ZSWIM7: variants seen among roughly 807,000 people sequenced by gnomAD.
ZSWIM7 encodes the protein zinc finger SWIM domain-containing protein 7.
Under a neutral mutation model 21.1 loss-of-function variants are expected in ZSWIM7, and 22 were observed. The ratio of observed to expected loss-of-function variants is 1.04; its 90% CI spans 0.74 to 1.49. The LOEUF (loss-of-function observed/expected upper bound fraction) is 1.49, where lower values mean the gene tolerates loss of function less well. Ranked by LOEUF, ZSWIM7 falls within the 40% of genes most tolerant of loss-of-function variation. The pLI is 0.00. For synonymous variants in ZSWIM7, 67 were observed against 66.5 expected, an observed-to-expected ratio of 1.01 and a Z score of -0.04; for missense variants, 193 against 168.0, an observed-to-expected ratio of 1.15 and a Z score of -0.82.
intron 4 of ZSWIM7, among the ~76,000 whole-genome samples, chr17:15,979,613 G>T (rs1244713627): frequency 6.9e-6 from 1 of 144,468 alleles, no homozygotes; most frequent in African/African-American, 2.6e-5. Context: ...TGGCCAGGCG[G>T]GGGGCTGACC....
chr17:15,982,644 C>G (rs896966062), intron 3 of ZSWIM7, among the ~76,000 whole-genome samples: 11 of 151,996 alleles, frequency 7.2e-5, no homozygotes, highest in Non-Finnish European at 1.0e-4. Context: ...CTTTTATTAA[C>G]ATTTTTTTTT....
chr17:15,997,511 A>G (rs1427021377), intron 1 of ZSWIM7, among the ~76,000 whole-genome samples: 1 of 152,242 alleles, frequency 6.6e-6, no homozygotes, highest in African/African-American at 2.4e-5. Flanking sequence ...CAAAGAAAAC[A>G]AAAAGTAATC....
chr17:15,995,453 G>C (rs1970539269), intron 1 of ZSWIM7, among the ~76,000 whole-genome samples: 1 of 151,620 alleles, frequency 6.6e-6, no homozygotes, highest in South Asian at 2.1e-4. Flanking sequence ...GTAGAGACGG[G>C]GTTTCTCCAT....
At chr17:15,986,768 TAAC>T (rs1231404803) in intron 3 of ZSWIM7, 1 of 152,156 alleles carries the variant, frequency 6.6e-6, no homozygotes, top group African/African-American at 2.4e-5. Flanking sequence ...ATATATTTAA[TAAC>T]AAAGTATTGG....
intron 3 of ZSWIM7, among the ~76,000 whole-genome samples, chr17:15,982,338 T>C (rs1970365545): frequency 6.6e-6 from 1 of 152,186 alleles, no homozygotes; most frequent in African/African-American, 2.4e-5. Flanking sequence ...ATTATTAGTA[T>C]CTGAGGGAAG....
In ZSWIM7 at chr17:15,977,708, GA is replaced by G. The variant is rs56818222; in HGVS notation, c.*338del. ...GACAAAGTGAGACTCCATCTCAAAA[GA>G]AAAAAAAAAAGACTAAATAATGTGG... On this transcript the variant is annotated 3_prime_UTR_variant, in exon 5 of 5. Transcript: ENST00000399277. 264 of 153,502 alleles carry G rather than the reference GA, an allele frequency of 1.7e-3. No individual in the cohort carries two copies. Among genetic ancestry groups the G allele is most frequent in the East Asian group, 6.8e-3 (37 of 5,462 alleles). The allele number at this position is 153,502 out of a possible 1,614,324, so 9.5% of individuals were successfully genotyped here.
In ZSWIM7 at chr17:15,982,277, T is replaced by C. The variant is rs1970364767; in HGVS notation, c.202-1133A>G. 2.0e-5 allele frequency among the ~76,000 whole-genome samples: 3 copies of C among 152,142 alleles called. No individual in the cohort carries two copies. In the South Asian group the frequency reaches 6.2e-4, roughly 32 times the overall value. Reference sequence around the variant, plus strand: ...TACCACCAAGCAGCCAAAAACTTTTTGTTGAGGTCTTCATTCCTAGAGTTA... The same window carrying C: ...TACCACCAAGCAGCCAAAAACTTTTCGTTGAGGTCTTCATTCCTAGAGTTA... On this transcript the variant is annotated intron_variant, in intron 3 of 4. Coordinates refer to ENST00000399277, the MANE Select transcript of ZSWIM7 (RefSeq NM_001042697.2).
At chr17:15,987,143 TGG>T in intron 3 of ZSWIM7, 121 bp downstream of exon 3, 1 of 687,974 alleles carries the variant, frequency 1.5e-6, no homozygotes. Context: ...TTTACCAAGT[TGG>T]GGCAAAAGCC....
At chr17:15,996,303 C>CA (rs202105116) in intron 1 of ZSWIM7, among the ~76,000 whole-genome samples, 2,723 of 150,784 alleles carry the variant, frequency 0.018, 40 homozygotes, top group South Asian at 0.035. Flanking sequence ...AACTCCGTCT[C>CA]AAAAAAAACC....
At chr17:15,980,746 A>C (rs892407699) in intron 4 of ZSWIM7, among the ~76,000 whole-genome samples, 13 of 152,138 alleles carry the variant, frequency 8.5e-5, no homozygotes, top group Non-Finnish European at 1.9e-4. Flanking sequence ...TCATATTTTT[A>C]TGGGGCCATC....
intron 4 of ZSWIM7, among the ~76,000 whole-genome samples, chr17:15,979,743 T>A (rs374347831): frequency 3.3e-5 from 3 of 90,318 alleles, no homozygotes; most frequent in South Asian, 4.2e-4. Flanking sequence ...TAGGGGCGGC[T>A]GGGCAGAGGC....
intron 4 of ZSWIM7, among the ~76,000 whole-genome samples, chr17:15,979,217 CT>C (rs572043639): frequency 1.5e-3 from 228 of 151,998 alleles, no homozygotes; most frequent in Non-Finnish European, 2.5e-3. Context: ...CTTCAAGCAT[CT>C]GTTTATCAAA....
Position 15,999,573 on chromosome 17 carries a change from C to A in ZSWIM7, c.22G>T (p.Val8Phe). 6.3e-7 allele frequency: 1 copy of A among 1,591,492 alleles called. No homozygotes were observed. Among genetic ancestry groups the A allele is most frequent in the Non-Finnish European group, 8.5e-7 (1 of 1,170,208 alleles). The change falls in exon 1 of 5, where the codon GTT becomes TTT. Residue 8 changes from valine to phenylalanine, a missense_variant. Coordinates refer to ENST00000399277, the MANE Select transcript of ZSWIM7 (RefSeq NM_001042697.2). MAVVLPA[V>F]VEELLSEMAA... Reference sequence around the variant, plus strand: ...ATCTCGCTCAGGAGCTCCTCCACAACCGCCGGCAACACTACGGCCATCGCG... The same window carrying A: ...ATCTCGCTCAGGAGCTCCTCCACAAACGCCGGCAACACTACGGCCATCGCG...
intron 3 of ZSWIM7, among the ~76,000 whole-genome samples, chr17:15,983,344 CA>C (rs58918337): frequency 6.0e-3 from 268 of 44,578 alleles, no homozygotes; most frequent in Middle Eastern, 0.021. Flanking sequence ...GACTCTGTCT[CA>C]AAAAAAAAAA....
chr17:15,989,671 G>A (rs748676029), intron 2 of ZSWIM7, among the ~76,000 whole-genome samples: 2 of 151,936 alleles, frequency 1.3e-5, no homozygotes, highest in South Asian at 2.1e-4. Context: ...CTGTCACCCA[G>A]GCAGGCTGGA....
rs1342293078 is a variant in ZSWIM7 at position 15,979,676 on chromosome 17, C to CA, written c.306+1363_306+1364insT. On this transcript the variant is annotated intron_variant, in intron 4 of 4. Coordinates refer to ENST00000399277, the MANE Select transcript of ZSWIM7 (RefSeq NM_001042697.2). ...CTGGCTGGGCGGAGGACTGACCCCC[C>CA]CCACCTCCCTCCCGAATGGGGCGGC... 3.8e-5 allele frequency among the ~76,000 whole-genome samples: 5 copies of CA among 132,950 alleles called. 1 individual carries two copies. The highest frequency in any genetic ancestry group is 6.4e-5 in the Non-Finnish European group (4 of 62,250). The allele number at this position is 132,950 out of a possible 152,430, so 87.2% of individuals were successfully genotyped here.
intron 2 of ZSWIM7, among the ~76,000 whole-genome samples, chr17:15,991,816 A>G (rs1012109181): frequency 3.3e-5 from 5 of 152,204 alleles, no homozygotes; most frequent in African/African-American, 7.2e-5. Context: ...AAGGTCTCAC[A>G]TCACCCAGGC....
chr17:15,990,217 C>T (rs1439326930), intron 2 of ZSWIM7, among the ~76,000 whole-genome samples: 1 of 94,640 alleles, frequency 1.1e-5, no homozygotes, highest in African/African-American at 4.3e-5. Context: ...GAAACTCTGT[C>T]TCAAAAAAAA....
rs761435515 is a variant in ZSWIM7, at chr17:15,999,578, G to A, written c.17C>T (p.Pro6Leu). MAVVL[P>L]AVVEELLSEM... Reference sequence around the variant, plus strand: ...GCTCAGGAGCTCCTCCACAACCGCCGGCAACACTACGGCCATCGCGCCGCA... The same window carrying A: ...GCTCAGGAGCTCCTCCACAACCGCCAGCAACACTACGGCCATCGCGCCGCA... The change falls in exon 1 of 5, where the codon CCG becomes CTG. Residue 6 changes from proline to leucine, a missense_variant. By Grantham distance (98) the Pro-to-Leu change is moderately conservative. Coordinates refer to ENST00000399277, the MANE Select transcript of ZSWIM7 (RefSeq NM_001042697.2). The A allele has an allele frequency of 3.1e-6, 5 of 1,589,710 alleles. No homozygotes were observed. Among genetic ancestry groups the A allele is most frequent in the Middle Eastern group, 3.4e-4 (2 of 5,952 alleles).
Sources: gnomAD v4.1 joint callset for allele counts (sites outside exome capture counted in the v4.1 genomes callset) on GRCh38, gnomAD v4.1.1 for gene constraint, MANE v1.5 for transcripts, NCBI Gene and HGNC (gene_info 2026-07-23, HGNC 2026-07-21) for gene names.